CHD3: variants seen among roughly 807,000 people sequenced by gnomAD.
The protein encoded by CHD3 is ATP-dependent chromatin remodeler CHD3.
A neutral mutation model predicts 248.9 loss-of-function variants in CHD3; 52 were observed. The ratio of observed to expected loss-of-function variants is 0.21; its 90% CI spans 0.17 to 0.26. The LOEUF (loss-of-function observed/expected upper bound fraction) is 0.26, where lower values mean the gene tolerates loss of function less well. Ranked by LOEUF, CHD3 falls within the 10% of genes least tolerant of loss-of-function variation. The probability of loss-of-function intolerance (pLI) is 1.00; values close to 1 mark genes in which losing one functional copy is unlikely to be tolerated. For synonymous variants in CHD3, 985 were observed against 985.2 expected, an observed-to-expected ratio of 1.00 and a Z score of 0.00; for missense variants, 1,482 against 2,605.8, an observed-to-expected ratio of 0.57 and a Z score of 9.39.
intron 2 of CHD3, 55 bp from the exon 3 acceptor site, chr17:7,890,516 C>A: frequency 8.0e-7 from 1 of 1,253,014 alleles, no homozygotes; most frequent in Non-Finnish European, 1.1e-6. Flanking sequence ...GTGCTGAGAA[C>A]AGTTTCTGGC....
Position 7,904,013 on chromosome 17 carries a change from A to G in CHD3, c.3894+22A>G. The G allele has an allele frequency of 6.2e-7, 1 of 1,611,260 alleles. No homozygotes were observed. Among genetic ancestry groups the G allele is most frequent in the Non-Finnish European group, 8.5e-7 (1 of 1,178,370 alleles). ...CAAGGTGAGAGGCTTTGGGGGCCAG[A>G]CATTATCTATCCCAGGCCATCTCCA... On this transcript the variant is annotated intron_variant, in intron 24 of 39. Transcript: ENST00000330494. This position sits in a 1 kb window ranked among gnomAD's most constrained non-coding sequence, Gnocchi z 4.4.
At position 7,888,789 on chromosome 17, in the gene CHD3, A is replaced by G. The variant is rs1029072081; in HGVS notation, c.-212A>G. 22 of 1,416,000 alleles carry G rather than the reference A, an allele frequency of 1.6e-5. No individual in the cohort carries two copies. The highest frequency in any genetic ancestry group is 6.0e-5 in the Admixed American group (2 of 33,584). The allele number at this position is 1,416,000 out of a possible 1,614,324, so 87.7% of individuals were successfully genotyped here. A position where few individuals can be genotyped will look rare whatever the true frequency, so the allele number is the denominator to read the frequency against. Reference sequence around the variant, plus strand: ...ATGCTGGGTGTGTCTGTCTGTGCCTATATCTTTGTTTGGGTCTCCCATACT... The same window carrying G: ...ATGCTGGGTGTGTCTGTCTGTGCCTGTATCTTTGTTTGGGTCTCCCATACT... On this transcript the variant is annotated 5_prime_UTR_variant, in exon 1 of 40. Coordinates refer to ENST00000330494, the MANE Select transcript of CHD3 (RefSeq NM_001005273.3).
In CHD3 at chr17:7,910,618, T is replaced by G; in HGVS notation, c.5754+27T>G. 1 of 1,593,030 alleles carries G rather than the reference T, an allele frequency of 6.3e-7. No homozygotes were observed. The highest frequency in any genetic ancestry group is 8.5e-7 in the Non-Finnish European group (1 of 1,171,200). ...TAACCCTCTTTCCCCCTAGCTCCAG[T>G]TTTCCCTGTTTGTGTTCCTCCTGCA... On this transcript the variant is annotated intron_variant, in intron 38 of 39. Transcript: ENST00000330494. This position sits in a 1 kb window ranked among gnomAD's most constrained non-coding sequence, Gnocchi z 4.7.
rs1384018272 is a variant in CHD3, at chr17:7,900,024, C to G, written c.2673C>G (p.Asn891Lys). Reference protein sequence around the residue: ...VVDEAHRLKNNQSKFFRVLNG... With the variant: ...VVDEAHRLKNKQSKFFRVLNG... ...ATGAGGCCCATCGACTCAAGAACAA[C>G]CAGTCCAAGGTGAGTGAGGTTTCCA... Residue 891 changes from asparagine to lysine, a missense_variant, in exon 16 of 40, where the codon AAC (asparagine) becomes AAG (lysine). Asn to Lys is a moderately conservative substitution (Grantham distance 94, BLOSUM62 0). Around this residue, in one of 20 missense-constraint regions of CHD3, gnomAD observed 36 missense variants for 189.3 expected, o/e 0.19. Transcript: ENST00000330494. This position sits in a 1 kb window ranked among gnomAD's most constrained non-coding sequence, Gnocchi z 6.5. The G allele has an allele frequency of 1.2e-6, 2 of 1,611,524 alleles. No individual in the cohort carries two copies. The highest frequency in any genetic ancestry group is 1.1e-5 in the South Asian group (1 of 90,996).
intron 19 of CHD3, 28 bp downstream of exon 19, chr17:7,901,021 G>A (rs749927725): frequency 5.6e-6 from 9 of 1,603,162 alleles, no homozygotes; most frequent in Admixed American, 1.7e-5. Flanking sequence ...GGAGCTGATC[G>A]AACGCCCATT....
chr17:7,905,960 C>T lies in CHD3; in HGVS notation c.4329C>T (p.Asp1443=), dbSNP rs1210009700. The T allele has an allele frequency of 1.9e-6, 3 of 1,614,034 alleles. No homozygotes were observed. Among genetic ancestry groups the T allele is most frequent in the South Asian group, 1.1e-5 (1 of 91,076 alleles). The change falls in exon 28 of 40, where the codon GAC becomes GAT. Residue 1443 remains aspartate (D), a synonymous_variant. Transcript: ENST00000330494. This position sits in a 1 kb window ranked among gnomAD's most constrained non-coding sequence, Gnocchi z 5.8. ...TCACCACACAGTGGCTGGTGCGGGA[C>T]CTGAGGGGCAAGACTGAGAAGGAGT... ...DAFTTQWLVR[D]LRGKTEKEFK...
At position 7,904,083 on chromosome 17, in the gene CHD3, C is replaced by G. The variant is rs1970620429; in HGVS notation, c.3894+92C>G. 1.5e-6 allele frequency: 2 copies of G among 1,369,870 alleles called. No homozygotes were observed. The highest frequency in any genetic ancestry group is 4.6e-5 in the East Asian group (2 of 43,232). 84.9% of individuals were successfully genotyped at this position (1,369,870 alleles called of 1,614,324 possible). ...CAGCCTTGAAGTAGGAGGGTCTGTC[C>G]CCCTTAAAACAGTAGTGGACCTCAA... On this transcript the variant is annotated intron_variant, in intron 24 of 39. Coordinates refer to ENST00000330494, the MANE Select transcript of CHD3 (RefSeq NM_001005273.3). The surrounding 1 kb of genome is among the most constrained non-coding windows in gnomAD (Gnocchi z 4.4).
rs1462443373 is a variant in CHD3 at position 7,897,664 on chromosome 17, G to A, written c.1920-307G>A. 6.6e-6 allele frequency among the ~76,000 whole-genome samples: 1 copy of A among 152,194 alleles called. No individual in the cohort carries two copies. Among genetic ancestry groups the A allele is most frequent in the Non-Finnish European group, 1.5e-5 (1 of 68,032 alleles). Reference sequence around the variant, plus strand: ...GCCTAAACTTAATGGTATGTATTTAGTTATTTCAATGCTGCCTTCCCCACG... The same window carrying A: ...GCCTAAACTTAATGGTATGTATTTAATTATTTCAATGCTGCCTTCCCCACG... On this transcript the variant is annotated intron_variant, in intron 11 of 39. Transcript: ENST00000330494. The surrounding 1 kb of genome is among the most constrained non-coding windows in gnomAD (Gnocchi z 4.8).
chr17:7,912,574 C>G lies in CHD3; in HGVS notation c.*989C>G, dbSNP rs987524834. 6.6e-6 allele frequency: 1 copy of G among 152,120 alleles called. No homozygotes were observed. The highest frequency in any genetic ancestry group is 1.5e-5 in the Non-Finnish European group (1 of 68,030). The allele number at this position is 152,120 out of a possible 1,614,324, so 9.4% of individuals were successfully genotyped here. On this transcript the variant is annotated 3_prime_UTR_variant, in exon 40 of 40. Coordinates refer to ENST00000330494, the MANE Select transcript of CHD3 (RefSeq NM_001005273.3). Reference sequence around the variant, plus strand: ...CTAGGGAAATGTGGGCACATCCCCCCTCCCAGGAGGGGCCGGGGAGAGTGG... The same window carrying G: ...CTAGGGAAATGTGGGCACATCCCCCGTCCCAGGAGGGGCCGGGGAGAGTGG...
chr17:7,892,590 A>G (rs2151486609), intron 4 of CHD3, among the ~76,000 whole-genome samples: 1 of 141,430 alleles, frequency 7.1e-6, no homozygotes, highest in African/African-American at 2.7e-5. Flanking sequence ...TCTGCCTCCC[A>G]GGTTCAAGCA....
In CHD3 at chr17:7,905,321, T is replaced by C. The variant is rs1389750579; in HGVS notation, c.4138+156T>C. The C allele has an allele frequency of 1.4e-6, 1 of 719,158 alleles. No individual in the cohort carries two copies. The highest frequency in any genetic ancestry group is 2.4e-6 in the Non-Finnish European group (1 of 410,580). The allele number at this position is 719,158 out of a possible 1,614,324, so 44.5% of individuals were successfully genotyped here. ...GAAAGGAAGAAATATTCATAGTCTC[T>C]CTGCTAGTAAACTTCGGTGTGTGTG... On this transcript the variant is annotated intron_variant, in intron 26 of 39. Transcript: ENST00000330494. The surrounding 1 kb of genome is among the most constrained non-coding windows in gnomAD (Gnocchi z 5.8).
Position 7,893,826 on chromosome 17 carries a change from G to A in CHD3, c.815G>A (p.Ser272Asn). Residue 272 changes from serine to asparagine, a missense_variant, in exon 6 of 40, where the codon AGT becomes AAT. Around this residue, in one of 20 missense-constraint regions of CHD3, gnomAD observed 149 missense variants for 182.6 expected, o/e 0.82. Transcript: ENST00000330494. ...TCAGGTCCAGGCCATAAGAGGCGGAGTAAGAGCCCCCGAGTGCCTGATGGA... is the reference window on the plus strand; with the variant it reads ...TCAGGTCCAGGCCATAAGAGGCGGAATAAGAGCCCCCGAGTGCCTGATGGA... ...EGKGPGHKRRSKSPRVPDGRK... is the reference protein window; with the variant it reads ...EGKGPGHKRRNKSPRVPDGRK... 7 of 1,614,160 alleles carry A rather than the reference G, an allele frequency of 4.3e-6. No homozygotes were observed. Among genetic ancestry groups the A allele is most frequent in the East Asian group, 4.5e-5 (2 of 44,876 alleles).
In CHD3 at chr17:7,895,467, C is replaced by T. The variant is rs371961138; in HGVS notation, c.1632C>T (p.Gly544=). 6.2e-7 allele frequency: 1 copy of T among 1,614,178 alleles called. No individual in the cohort carries two copies. Among genetic ancestry groups the T allele is most frequent in the Non-Finnish European group, 8.5e-7 (1 of 1,180,036 alleles). The change falls in exon 10 of 40, where the codon GGC becomes GGT. Residue 544 remains glycine, a synonymous_variant. Coordinates refer to ENST00000330494, the MANE Select transcript of CHD3 (RefSeq NM_001005273.3). This position sits in a 1 kb window ranked among gnomAD's most constrained non-coding sequence, Gnocchi z 4.9. ...PDVPPPRPLQ[G]RSEREFFVKW... ...TCCCACCCCCCCGTCCTCTTCAAGG[C>T]AGATCAGAGCGAGAGTTCTTTGTCA...
At position 7,901,004 on chromosome 17, in the gene CHD3, A is replaced by G. The variant is rs917638813; in HGVS notation, c.3120+11A>G. On this transcript the variant is annotated intron_variant, in intron 19 of 39. Transcript: ENST00000330494. Reference sequence around the variant, plus strand: ...CCCGTGGCTGCTATGGTAGATACACAGAGCAGGGAGCTGATCGAACGCCCA... The same window carrying G: ...CCCGTGGCTGCTATGGTAGATACACGGAGCAGGGAGCTGATCGAACGCCCA... 1 of 1,612,042 alleles carries G rather than the reference A, an allele frequency of 6.2e-7. No individual in the cohort carries two copies. The highest frequency in any genetic ancestry group is 1.3e-5 in the African/African-American group (1 of 74,948).
chr17:7,885,188 C>G (rs1369322508), upstream of CHD3: 1 of 970,380 alleles, frequency 1.0e-6, no homozygotes, highest in African/African-American at 1.8e-5. Context: ...CGAGGCGAAT[C>G]CGGAGCGCGA....
chr17:7,909,792 C>T lies in CHD3; in HGVS notation c.5590+454C>T. The T allele has an allele frequency of 5.2e-6, 1 of 191,568 alleles. No individual in the cohort carries two copies. Among genetic ancestry groups the T allele is most frequent in the Non-Finnish European group, 1.1e-5 (1 of 92,766 alleles). The allele number at this position is 191,568 out of a possible 1,614,324, so 11.9% of individuals were successfully genotyped here. A position where few individuals can be genotyped will look rare whatever the true frequency, so the allele number is the denominator to read the frequency against. ...ACCCATCCAACCCTCTGGCCTTACC[C>T]CATGAAACTTCCCTTTGACCTTCGA... On this transcript the variant is annotated intron_variant, in intron 37 of 39. Coordinates refer to ENST00000330494, the MANE Select transcript of CHD3 (RefSeq NM_001005273.3). The surrounding 1 kb of genome is among the most constrained non-coding windows in gnomAD (Gnocchi z 8.1).
At position 7,903,586 on chromosome 17, in the gene CHD3, A is replaced by G. The variant is rs897098275; in HGVS notation, c.3727+83A>G. ...ATCAGCCCCCTGGGGAGAGAAAAAC[A>G]ACTCTTCTCTGCAGCCTTTGAAGGA... On this transcript the variant is annotated intron_variant, in intron 23 of 39. Coordinates refer to ENST00000330494, the MANE Select transcript of CHD3 (RefSeq NM_001005273.3). The surrounding 1 kb of genome is among the most constrained non-coding windows in gnomAD (Gnocchi z 6.8). 5.7e-6 allele frequency: 7 copies of G among 1,219,820 alleles called. No homozygotes were observed. The East Asian group carries it at 1.8e-4, about 31-fold the overall frequency. 75.6% of individuals were successfully genotyped at this position (1,219,820 alleles called of 1,614,324 possible). A position where few individuals can be genotyped will look rare whatever the true frequency, so the allele number is the denominator to read the frequency against.
chr17:7,908,158 C>A lies in CHD3; in HGVS notation c.5152+139C>A. The A allele has an allele frequency of 9.0e-7, 1 of 1,109,208 alleles. No individual in the cohort carries two copies. The highest frequency in any genetic ancestry group is 1.3e-6 in the Non-Finnish European group (1 of 775,514). The allele number at this position is 1,109,208 out of a possible 1,614,324, so 68.7% of individuals were successfully genotyped here. On this transcript the variant is annotated intron_variant, in intron 34 of 39. Transcript: ENST00000330494. This position sits in a 1 kb window ranked among gnomAD's most constrained non-coding sequence, Gnocchi z 5.8. ...AAGTATGTTGCATGCTGACTCCGAT[C>A]CTTGCTCTAAATCTTTCTTAAGTAT...
At chr17:7,885,499 C>T (rs1429223576), upstream of CHD3, among the ~76,000 whole-genome samples, 1 of 151,606 alleles carries the variant, frequency 6.6e-6, no homozygotes, top group African/African-American at 2.4e-5. Flanking sequence ...GGCCCCCTCC[C>T]TGGCCGAGCG....
Sources: gnomAD v4.1 joint callset for allele counts (sites outside exome capture counted in the v4.1 genomes callset) on GRCh38, gnomAD v4.1.1 for gene constraint, gnomAD v4.1.1 regional missense constraint, Gnocchi (gnomAD v3.1) non-coding constraint, MANE v1.5 for transcripts, NCBI Gene and HGNC (gene_info 2026-07-23, HGNC 2026-07-21) for gene names.